ZRSR2: variants seen among roughly 807,000 people sequenced by gnomAD.
ZRSR2 encodes the protein U2 small nuclear ribonucleoprotein auxiliary factor 35 kDa subunit-related protein 2.
In ZRSR2, 3 loss-of-function variants were observed where a neutral mutation model predicts 39.4. That is an observed-to-expected ratio of 0.08 (90% CI 0.03 to 0.20). The LOEUF is 0.20. ZRSR2 is among the 10% of genes least tolerant of loss of function. The pLI, the probability that ZRSR2 is intolerant of heterozygous loss-of-function variation, is 1.00. For missense variants in ZRSR2, 256 were observed against 391.5 expected, an observed-to-expected ratio of 0.65 and a Z score of 2.92; for synonymous variants, 137 against 136.0, an observed-to-expected ratio of 1.01 and a Z score of -0.05.
chrX:15,821,089 C>T (rs917361278), intron 10 of ZRSR2, among the ~76,000 whole-genome samples: 4 of 112,132 alleles, frequency 3.6e-5, no homozygotes, highest in Non-Finnish European at 7.5e-5. Flanking sequence ...CTTTGGCAAG[C>T]TTGTCTTCCT....
intron 10 of ZRSR2, among the ~76,000 whole-genome samples, chrX:15,821,019 T>C (rs1933093320): frequency 1.8e-5 from 2 of 112,361 alleles, no homozygotes; most frequent in South Asian, 7.4e-4. Context: ...GGAGCACTTA[T>C]CTTACCGTTT....
At chrX:15,811,628 A>G (rs1038521133) in intron 7 of ZRSR2, among the ~76,000 whole-genome samples, 7 of 111,989 alleles carry the variant, frequency 6.3e-5, no homozygotes, top group South Asian at 3.6e-4. Flanking sequence ...AGGTTTCGCC[A>G]TGTTGGCCAG....
At chrX:15,792,221 G>C (rs1307054318) in intron 2 of ZRSR2, among the ~76,000 whole-genome samples, 2 of 111,973 alleles carry the variant, frequency 1.8e-5, no homozygotes, top group East Asian at 2.9e-4. Flanking sequence ...TCAGGGGTTC[G>C]AGACCTGCCT....
chrX:15,795,258 G>T (rs956281722), intron 2 of ZRSR2, among the ~76,000 whole-genome samples: 1 of 110,634 alleles, frequency 9.0e-6, no homozygotes, highest in Non-Finnish European at 1.9e-5. Flanking sequence ...ATCTTCAATG[G>T]TATAATCTTT....
chrX:15,821,947 A>AT (rs904863294), intron 10 of ZRSR2, among the ~76,000 whole-genome samples: 1 of 110,972 alleles, frequency 9.0e-6, no homozygotes, highest in Non-Finnish European at 1.9e-5. Context: ...AATGTTTATA[A>AT]TCTTAAAGTT....
chrX:15,791,180 T>G (rs1322440416), intron 2 of ZRSR2, among the ~76,000 whole-genome samples, 167 bp downstream of exon 2: 1 of 112,033 alleles, frequency 8.9e-6, no homozygotes, highest in Non-Finnish European at 1.9e-5. Flanking sequence ...AGAAACAATG[T>G]TAACATACTA....
intron 2 of ZRSR2, among the ~76,000 whole-genome samples, chrX:15,799,526 C>T (rs777432330): frequency 7.7e-5 from 8 of 103,498 alleles, no homozygotes; most frequent in African/African-American, 1.1e-4. Context: ...ACGATCTTGG[C>T]TCACTGAAAC....
Position 15,799,971 on chromosome X carries a change from CACTT to C in ZRSR2, c.203+20_203+23del, listed in dbSNP as rs774089350. The C allele has an allele frequency of 3.7e-6, 4 of 1,078,317 alleles. No homozygotes were observed. The Admixed American group carries it at 9.8e-5, about 26-fold the overall frequency. The allele number at this position is 1,078,317 out of a possible 1,213,427, so 88.9% of individuals were successfully genotyped here. A position where few individuals can be genotyped will look rare whatever the true frequency, so the allele number is the denominator to read the frequency against. ...AGAGAGAGGTCAGTGCTAATTGAAA[CACTT>C]AAAGTGAATGAAGTTATTTTATTGG... On this transcript the variant is annotated intron_variant, in intron 3 of 10. Transcript: ENST00000307771.
chrX:15,790,914 T>C lies in ZRSR2; in HGVS notation c.42-20T>C. ...TGCATTGTAGCCGCTGATCGTCGTG[T>C]ATATGTCTTAATCTTCCAGCCACAA... On this transcript the variant is annotated intron_variant, in intron 1 of 10. Coordinates refer to ENST00000307771, the MANE Select transcript of ZRSR2 (RefSeq NM_005089.4). The C allele has an allele frequency of 8.3e-7, 1 of 1,199,472 alleles. No homozygotes were observed. The highest frequency in any genetic ancestry group is 3.0e-5 in the East Asian group (1 of 33,787).
intron 2 of ZRSR2, among the ~76,000 whole-genome samples, chrX:15,792,063 C>T (rs1418184702): frequency 4.5e-5 from 5 of 112,283 alleles, no homozygotes; most frequent in African/African-American, 1.3e-4. Flanking sequence ...ACCTCGGCCT[C>T]CCAAAGTGCT....
intron 7 of ZRSR2, among the ~76,000 whole-genome samples, chrX:15,813,923 A>G (rs930502196): frequency 7.2e-5 from 8 of 111,102 alleles, no homozygotes; most frequent in Admixed American, 1.9e-4. Context: ...GGCATTCTGT[A>G]AGCATTATCT....
rs763975401 is a variant in ZRSR2, at chrX:15,793,813, C to T, written c.121+2800C>T. On this transcript the variant is annotated intron_variant, in intron 2 of 10. Coordinates refer to ENST00000307771, the MANE Select transcript of ZRSR2 (RefSeq NM_005089.4). ...TTGGCCTCCCAAAGTGCTGGGATTA[C>T]AGGCGTGAGCCACTGCGCCCGGCCA... is the stretch of plus-strand genomic sequence containing the variant. 2.4e-4 allele frequency among the ~76,000 whole-genome samples: 27 copies of T among 112,662 alleles called. No individual in the cohort carries two copies. In the East Asian group the frequency reaches 5.0e-3, roughly 21 times the overall value.
rs1932262757 is a variant in ZRSR2 at position 15,791,133 on chromosome X, A to C, written c.121+120A>C. On this transcript the variant is annotated intron_variant, in intron 2 of 10. Transcript: ENST00000307771. The stretch of plus-strand genomic sequence containing the variant: ...TTGTGTCGGAGGAAAAATAGCTGTG[A>C]CTTCTGCCCCCAAGTAGTTATTTAG... 3 of 592,525 alleles carry C rather than the reference A, an allele frequency of 5.1e-6. No homozygotes were observed. In the Admixed American group the frequency reaches 9.5e-5, roughly 19 times the overall value. The allele number at this position is 592,525 out of a possible 1,213,427, so 48.8% of individuals were successfully genotyped here. A position where few individuals can be genotyped will look rare whatever the true frequency, so the allele number is the denominator to read the frequency against.
At chrX:15,815,295 TTTTG>T (rs1275678970) in intron 7 of ZRSR2, among the ~76,000 whole-genome samples, 3 of 112,395 alleles carry the variant, frequency 2.7e-5, no homozygotes, top group Non-Finnish European at 5.6e-5. Flanking sequence ...GCAAGTGTTT[TTTTG>T]TTTGTTTTTT....
At chrX:15,801,014 C>T (rs1307273016) in intron 3 of ZRSR2, among the ~76,000 whole-genome samples, 1 of 112,128 alleles carries the variant, frequency 8.9e-6, no homozygotes. Context: ...TCCTGGTTTG[C>T]AGTTTGCAGC....
chrX:15,808,423 A>G, intron 6 of ZRSR2, 152 bp downstream of exon 6: 2 of 534,696 alleles, frequency 3.7e-6, no homozygotes, highest in Admixed American at 3.8e-5. Flanking sequence ...TACAACAACA[A>G]CAAACTTTAT....
chrX:15,811,252 A>G (rs1932875826), intron 7 of ZRSR2, among the ~76,000 whole-genome samples: 1 of 112,277 alleles, frequency 8.9e-6, no homozygotes, highest in African/African-American at 3.2e-5. Flanking sequence ...AGAAAAATGC[A>G]CTGTGAATTA....
At position 15,810,051 on chromosome X, in the gene ZRSR2, G is replaced by T. The variant is rs972171790; in HGVS notation, c.557+733G>T. 6.3e-5 allele frequency among the ~76,000 whole-genome samples: 7 copies of T among 111,614 alleles called. No homozygotes were observed. The South Asian group carries it at 1.1e-3, about 18-fold the overall frequency. ...GGATTAAACATAGTCTCATCTTTCTGAGGGGGCTGTGAGGCCGAAATGAGC... is the reference window on the plus strand; with the variant it reads ...GGATTAAACATAGTCTCATCTTTCTTAGGGGGCTGTGAGGCCGAAATGAGC... On this transcript the variant is annotated intron_variant, in intron 7 of 10. Transcript: ENST00000307771.
At chrX:15,803,837 T>G (rs200136400) in intron 4 of ZRSR2, 41 bp downstream of exon 4, 2 of 1,164,800 alleles carry the variant, frequency 1.7e-6, no homozygotes, top group Non-Finnish European at 2.3e-6. Context: ...AACTGATTAC[T>G]TCACCATAAT....
Sources: allele counts gnomAD v4.1 joint callset (sites outside exome capture counted in the v4.1 genomes callset), GRCh38; gene constraint gnomAD v4.1.1; transcripts MANE v1.5; gene names NCBI Gene and HGNC (gene_info 2026-07-23, HGNC 2026-07-21).